GPHN: variants seen among roughly 807,000 people sequenced by gnomAD.
The protein encoded by GPHN is gephyrin.
A neutral mutation model predicts 95.5 loss-of-function variants in GPHN; 17 were observed. The observed-to-expected ratio is 0.18, with a 90% CI of 0.12 to 0.27. The LOEUF (loss-of-function observed/expected upper bound fraction) is 0.27, where lower values mean the gene tolerates loss of function less well. Among genes scored for constraint, GPHN ranks in the 10% least tolerant of loss-of-function variants. The probability of loss-of-function intolerance (pLI) is 1.00; values close to 1 mark genes in which losing one functional copy is unlikely to be tolerated. For synonymous variants in GPHN, 320 were observed against 322.5 expected (o/e 0.99, Z 0.08); for missense variants, 660 against 978.1 (o/e 0.67, Z 4.34).
intron 4 of GPHN, among the ~76,000 whole-genome samples, chr14:66,845,129 G>A (rs888144484): frequency 9.2e-5 from 14 of 152,050 alleles, no homozygotes; most frequent in Non-Finnish European, 8.8e-5. Flanking sequence ...TCACCTGTTG[G>A]TGGACACTGG....
the GPHN span, chr14:67,555,830 G>A: frequency 6.2e-7 from 1 of 1,613,302 alleles, no homozygotes; most frequent in African/African-American, 1.3e-5. Flanking sequence ...AGCAGATGCA[G>A]GAGCTGGAGC....
At chr14:67,092,691 G>A (rs922685209) in intron 12 of GPHN, among the ~76,000 whole-genome samples, 2 of 151,996 alleles carry the variant, frequency 1.3e-5, no homozygotes, top group Non-Finnish European at 2.9e-5. Context: ...AGAAAGAATA[G>A]AATGTAAAGA....
At chr14:67,650,927 C>A in the GPHN span, 2 of 1,612,906 alleles carry the variant, frequency 1.2e-6, no homozygotes, top group Non-Finnish European at 1.7e-6. Context: ...TTAGGAGACA[C>A]TGTGCACTGA....
the GPHN span, among the ~76,000 whole-genome samples, chr14:67,595,037 T>C: frequency 1.3e-5 from 2 of 151,650 alleles, no homozygotes; most frequent in Admixed American, 6.6e-5. Flanking sequence ...CTCGGGAGGC[T>C]GAGGCAGGAG....
At chr14:66,830,836 G>T (rs1455494180) in intron 4 of GPHN, among the ~76,000 whole-genome samples, 4 of 151,960 alleles carry the variant, frequency 2.6e-5, no homozygotes, top group African/African-American at 9.7e-5. Context: ...TAGGTTATTA[G>T]ATTTTTTTCA....
the GPHN span, chr14:67,587,783 G>A: frequency 6.3e-6 from 1 of 158,578 alleles, no homozygotes; most frequent in Non-Finnish European, 1.4e-5. Flanking sequence ...CCTGACCTCA[G>A]GTGATCTGCC....
the GPHN span, among the ~76,000 whole-genome samples, chr14:67,210,811 G>C: frequency 2.0e-5 from 3 of 151,926 alleles, no homozygotes; most frequent in African/African-American, 7.3e-5. Flanking sequence ...CCAGGAGTTC[G>C]AGACCAGCCT....
chr14:66,525,999 T>A (rs1004169023), intron 1 of GPHN, among the ~76,000 whole-genome samples: 3 of 151,206 alleles, frequency 2.0e-5, no homozygotes, highest in African/African-American at 7.3e-5. Context: ...AAATTTAAAG[T>A]AGTTTTTTTT....
the GPHN span, chr14:67,353,096 A>C: frequency 7.4e-7 from 1 of 1,347,396 alleles, no homozygotes; most frequent in Non-Finnish European, 1.0e-6. Flanking sequence ...AAAGACAAAA[A>C]AAACCCTCCC....
the GPHN span, chr14:67,279,432 A>C: frequency 2.5e-6 from 4 of 1,613,958 alleles, no homozygotes; most frequent in Non-Finnish European, 3.4e-6. Flanking sequence ...CATGAGACTT[A>C]AGAAACTAGC....
the GPHN span, chr14:67,726,898 A>T: frequency 8.1e-7 from 1 of 1,230,650 alleles, no homozygotes; most frequent in Non-Finnish European, 1.2e-6. Context: ...ATAGTGAGCT[A>T]ACACTGAAGT....
At chr14:67,238,223 G>C in the GPHN span, among the ~76,000 whole-genome samples, 1 of 151,308 alleles carries the variant, frequency 6.6e-6, no homozygotes, top group East Asian at 1.9e-4. Context: ...CAATTCACCA[G>C]AAAATAGATT....
the GPHN span, chr14:67,412,132 C>A: frequency 7.6e-7 from 1 of 1,312,872 alleles, no homozygotes; most frequent in Non-Finnish European, 9.9e-7. Flanking sequence ...ACCCGCGCAG[C>A]CCGCGCAGTC....
chr14:66,596,882 C>A (rs189193833), intron 1 of GPHN, among the ~76,000 whole-genome samples: 87 of 152,292 alleles, frequency 5.7e-4, no homozygotes, highest in Non-Finnish European at 7.8e-4. Context: ...GAGTGCACAG[C>A]CCCAGCTGTG....
chr14:67,397,164 C>T, the GPHN span, among the ~76,000 whole-genome samples: 3 of 152,108 alleles, frequency 2.0e-5, no homozygotes, highest in Non-Finnish European at 4.4e-5. Context: ...GTGTCAAACT[C>T]CTCACCGCAA....
chr14:67,495,340 A>G, the GPHN span, among the ~76,000 whole-genome samples: 2 of 152,338 alleles, frequency 1.3e-5, no homozygotes, highest in South Asian at 2.1e-4. Context: ...TGCAGAAGGC[A>G]TCCATCCTAA....
the GPHN span, among the ~76,000 whole-genome samples, chr14:67,497,184 T>C: frequency 6.6e-6 from 1 of 152,076 alleles, no homozygotes; most frequent in Non-Finnish European, 1.5e-5. Flanking sequence ...GTGGTGTATA[T>C]GCTGCGGGCA....
intron 4 of GPHN, among the ~76,000 whole-genome samples, chr14:66,879,114 ACC>A (rs1394566664): frequency 3.2e-4 from 49 of 152,228 alleles, no homozygotes; most frequent in Non-Finnish European, 5.6e-4. Flanking sequence ...GGAACAGAAA[ACC>A]AAACACTACA....
chr14:66,575,089 A>G (rs2060850773), intron 1 of GPHN, among the ~76,000 whole-genome samples: 1 of 152,228 alleles, frequency 6.6e-6, no homozygotes, highest in Non-Finnish European at 1.5e-5. Flanking sequence ...GTCTCTGTAG[A>G]GAACCTTGAC....
Sources: gnomAD v4.1 joint callset for allele counts (sites outside exome capture counted in the v4.1 genomes callset) on GRCh38, gnomAD v4.1.1 for gene constraint, MANE v1.5 for transcripts, NCBI Gene and HGNC (gene_info 2026-07-23, HGNC 2026-07-21) for gene names.